STPG2: variants seen among roughly 807,000 people sequenced by gnomAD.
The protein encoded by STPG2 is sperm tail PG-rich repeat containing 2.
A neutral mutation model predicts 54.2 loss-of-function variants in STPG2; 56 were observed. That is an observed-to-expected ratio of 1.03 (90% CI 0.83 to 1.29). STPG2 has a LOEUF of 1.29. Ranked by LOEUF, STPG2 falls within the 50% of genes most tolerant of loss-of-function variation. The pLI is 0.00. For synonymous variants in STPG2, 200 were observed against 181.8 expected, an observed-to-expected ratio of 1.10 and a Z score of -0.81; for missense variants, 596 against 544.9, an observed-to-expected ratio of 1.09 and a Z score of -0.93.
chr4:97,852,937 C>T (rs1451683994), intron 8 of STPG2, among the ~76,000 whole-genome samples: 1 of 139,414 alleles, frequency 7.2e-6, no homozygotes, highest in East Asian at 2.2e-4. Flanking sequence ...AATTATTCTA[C>T]ATTAATGTTC....
chr4:98,075,265 G>C (rs1003481356), intron 5 of STPG2, among the ~76,000 whole-genome samples: 5 of 152,112 alleles, frequency 3.3e-5, no homozygotes, highest in Admixed American at 1.3e-4. Context: ...TGCCTGCCTA[G>C]CTTAGAAATA....
Position 97,519,616 on chromosome 4 carries a change from T to C in STPG2, c.462+193083A>G, listed in dbSNP as rs576054715. Among the ~76,000 whole-genome samples the C allele has an allele frequency of 6.6e-5, 10 of 152,194 alleles. No homozygotes were observed. The South Asian group carries it at 2.1e-3, about 32-fold the overall frequency. On this transcript the variant is annotated intron_variant, in intron 4 of 4. Coordinates refer to the STPG2 transcript ENST00000522676. Reference sequence around the variant, plus strand: ...GGGATCAAATACAGATGCAGACACCTCTGCAAACTCTAGCATAGAGGGATG... The same window carrying C: ...GGGATCAAATACAGATGCAGACACCCCTGCAAACTCTAGCATAGAGGGATG...
At chr4:97,654,185 A>G (rs1435909566) in intron 10 of STPG2, among the ~76,000 whole-genome samples, 1 of 152,158 alleles carries the variant, frequency 6.6e-6, no homozygotes, top group Non-Finnish European at 1.5e-5. Context: ...TATCTACAGC[A>G]TTGGCTACAT....
chr4:97,745,937 T>C, intron 9 of STPG2, among the ~76,000 whole-genome samples: 1 of 151,296 alleles, frequency 6.6e-6, no homozygotes, highest in East Asian at 1.9e-4. Context: ...CTACATAAGA[T>C]GTAGTAATGG....
At chr4:97,912,382 G>A (rs1664760381) in intron 8 of STPG2, among the ~76,000 whole-genome samples, 1 of 152,164 alleles carries the variant, frequency 6.6e-6, no homozygotes, top group Admixed American at 6.5e-5. Flanking sequence ...TGAGCTAAAG[G>A]AACATGTTGT....
At chr4:97,441,362 T>C (rs887443968) in intron 4 of STPG2, 11 of 152,086 alleles carry the variant, frequency 7.2e-5, no homozygotes, top group Admixed American at 2.6e-4. Context: ...CAGGAAACAT[T>C]TTCTGAAAAA....
chr4:97,639,045 C>T (rs1158727708), intron 10 of STPG2, among the ~76,000 whole-genome samples: 30 of 152,102 alleles, frequency 2.0e-4, no homozygotes, highest in Middle Eastern at 3.4e-3. Context: ...CACACGCACA[C>T]GTATGTTTAT....
intron 7 of STPG2, among the ~76,000 whole-genome samples, chr4:97,957,665 G>A (rs1469085878): frequency 6.6e-6 from 1 of 152,124 alleles, no homozygotes; most frequent in African/African-American, 2.4e-5. Context: ...AGAGCTGTGA[G>A]GCAGAAGCAC....
chr4:97,701,170 G>A (rs112225123), intron 10 of STPG2, among the ~76,000 whole-genome samples: 1 of 152,044 alleles, frequency 6.6e-6, no homozygotes, highest in Non-Finnish European at 1.5e-5. Context: ...TCCCACCATA[G>A]TAGCCCTCAC....
At chr4:97,547,086 CA>C (rs771321033) in intron 4 of STPG2, among the ~76,000 whole-genome samples, 21 of 149,988 alleles carry the variant, frequency 1.4e-4, no homozygotes, top group Non-Finnish European at 2.4e-4. Flanking sequence ...TAGATTCTTA[CA>C]AATGAAAGAA....
At chr4:97,996,704 A>G (rs1179389153) in intron 5 of STPG2, among the ~76,000 whole-genome samples, 1 of 146,818 alleles carries the variant, frequency 6.8e-6, no homozygotes, top group South Asian at 2.2e-4. Flanking sequence ...TCCAGAATCT[A>G]TAAGGAAACT....
intron 9 of STPG2, among the ~76,000 whole-genome samples, chr4:97,731,844 C>T (rs969905477): frequency 2.0e-5 from 3 of 152,208 alleles, no homozygotes; most frequent in African/African-American, 7.2e-5. Context: ...GTGCACGAAC[C>T]TGGGGGTTTG....
intron 4 of STPG2, among the ~76,000 whole-genome samples, chr4:97,525,551 A>G (rs1380791466): frequency 6.6e-6 from 1 of 152,034 alleles, no homozygotes; most frequent in Non-Finnish European, 1.5e-5. Flanking sequence ...CAGAATAAAC[A>G]TCTACACTGT....
chr4:97,641,403 C>T (rs1344733183), intron 10 of STPG2, among the ~76,000 whole-genome samples: 2 of 150,004 alleles, frequency 1.3e-5, no homozygotes, highest in Non-Finnish European at 3.0e-5. Context: ...ATTAATGATA[C>T]ATCATAGCAC....
chr4:97,546,663 G>A (rs1476639476), intron 4 of STPG2, among the ~76,000 whole-genome samples: 1 of 152,052 alleles, frequency 6.6e-6, no homozygotes, highest in African/African-American at 2.4e-5. Context: ...ATCCAATGTT[G>A]CTAAAAAACA....
At chr4:97,722,797 ATTT>A (rs11316033) in intron 9 of STPG2, among the ~76,000 whole-genome samples, 6 of 122,668 alleles carry the variant, frequency 4.9e-5, no homozygotes, top group Non-Finnish European at 5.1e-5. Flanking sequence ...GTCTCTGCCA[ATTT>A]TTTTTTTTTT....
At chr4:97,656,264 T>C (rs964959919) in intron 10 of STPG2, among the ~76,000 whole-genome samples, 1 of 152,070 alleles carries the variant, frequency 6.6e-6, no homozygotes, top group African/African-American at 2.4e-5. Context: ...ACTAACACCA[T>C]TTGCCCAAGG....
intron 3 of STPG2, among the ~76,000 whole-genome samples, chr4:98,113,457 T>C (rs988604670): frequency 2.6e-5 from 4 of 152,074 alleles, no homozygotes; most frequent in African/African-American, 4.8e-5. Context: ...GGAAAATGTG[T>C]TATATAAATA....
chr4:97,637,164 C>T (rs1175246968), intron 10 of STPG2, among the ~76,000 whole-genome samples: 1 of 152,154 alleles, frequency 6.6e-6, no homozygotes, highest in Non-Finnish European at 1.5e-5. Context: ...GGGCTTCATC[C>T]CTGGGATGCA....
Sources: gnomAD v4.1 joint callset for allele counts (sites outside exome capture counted in the v4.1 genomes callset) on GRCh38, gnomAD v4.1.1 for gene constraint, MANE v1.5 for transcripts, NCBI Gene and HGNC (gene_info 2026-07-23, HGNC 2026-07-21) for gene names.